ROBO1: variants seen among roughly 807,000 people sequenced by gnomAD.
ROBO1 encodes the protein roundabout guidance receptor 1.
ROBO1 carries 149 observed loss-of-function variants against 195.9 expected under a neutral mutation model. The observed-to-expected ratio is 0.76, with a 90% CI of 0.67 to 0.87. The LOEUF (loss-of-function observed/expected upper bound fraction) is 0.87. ROBO1 is among the 40% of genes least tolerant of loss of function. The pLI is 0.00. For synonymous variants in ROBO1, 816 were observed against 733.2 expected, an observed-to-expected ratio of 1.11 and a Z score of -1.82; for missense variants, 1,933 against 2,068.3, an observed-to-expected ratio of 0.93 and a Z score of 1.27.
At chr3:79,650,276 T>C (rs1335620322) in intron 1 of ROBO1, among the ~76,000 whole-genome samples, 1 of 151,702 alleles carries the variant, frequency 6.6e-6, no homozygotes. Flanking sequence ...TATAATCATA[T>C]AGAATATAAT....
intron 2 of ROBO1, among the ~76,000 whole-genome samples, chr3:79,575,168 T>C (rs1943417138): frequency 1.7e-5 from 2 of 120,782 alleles, no homozygotes; most frequent in African/African-American, 6.0e-5. Flanking sequence ...ATAACAAATA[T>C]ATATAAATAT....
chr3:79,575,390 CAAAT>C (rs1478927785), intron 2 of ROBO1, among the ~76,000 whole-genome samples: 1 of 108,226 alleles, frequency 9.2e-6, no homozygotes, highest in Non-Finnish European at 1.8e-5. Context: ...ATATAGATAA[CAAAT>C]ATATATAAAT....
chr3:79,244,308 A>C (rs1380776783), intron 2 of ROBO1, among the ~76,000 whole-genome samples: 2 of 152,146 alleles, frequency 1.3e-5, no homozygotes, highest in African/African-American at 4.8e-5. Flanking sequence ...TAGGCACTTA[A>C]TGAATATTAT....
Position 78,661,091 on chromosome 3 carries a change from A to G in ROBO1, c.2259T>C (p.Pro753=), listed in dbSNP as rs777544402. The change falls in exon 16 of 31, where the codon CCT becomes CCC. Residue 753 remains proline, a synonymous_variant. Transcript: ENST00000464233. ...CTGCTCCTTGAAATTCATTAAAAAA[A>G]GGGCGAGCCTTAATTTCATAGTTGA... ...KGVNYEIKAR[P]FFNEFQGADS... is the part of the protein sequence containing the mutation. The G allele has an allele frequency of 3.7e-6, 6 of 1,613,542 alleles. No individual in the cohort carries two copies. The South Asian group carries it at 6.6e-5, about 18-fold the overall frequency.
chr3:78,707,570 A>G (rs2081583024), intron 8 of ROBO1, among the ~76,000 whole-genome samples: 1 of 152,234 alleles, frequency 6.6e-6, no homozygotes, highest in Non-Finnish European at 1.5e-5. Context: ...AAGAAAGCTG[A>G]TAAAGTTGAG....
chr3:78,743,998 C>T (rs542253961), intron 5 of ROBO1, among the ~76,000 whole-genome samples: 1 of 152,102 alleles, frequency 6.6e-6, no homozygotes, highest in Non-Finnish European at 1.5e-5. Context: ...TTTCTCCAAC[C>T]TTAACCTCAA....
At chr3:79,282,372 C>T (rs560874479) in intron 2 of ROBO1, among the ~76,000 whole-genome samples, 1 of 152,276 alleles carries the variant, frequency 6.6e-6, no homozygotes, top group African/African-American at 2.4e-5. Context: ...TAATGCATAC[C>T]AGTGACTGAT....
Position 78,670,285 on chromosome 3 carries a change from A to G in ROBO1, c.1359T>C (p.Pro453=). The stretch of plus-strand genomic sequence containing the variant: ...CAGGACCTTGTCGAATAACTGGGGG[A>G]GGCCGATCTGCAATCACTGCCAGAA... ...LEVTDVIADR[P]PPVIRQGPVN... is the part of the protein sequence containing the mutation. The change falls in exon 11 of 31, where the codon CCT becomes CCC. Residue 453 remains proline, a synonymous_variant. Coordinates refer to ENST00000464233, the MANE Select transcript of ROBO1 (RefSeq NM_002941.4). 1 of 1,564,954 alleles carries G rather than the reference A, an allele frequency of 6.4e-7. No homozygotes were observed.
At chr3:78,640,161 A>C (rs1415335790) in intron 21 of ROBO1, among the ~76,000 whole-genome samples, 1 of 152,048 alleles carries the variant, frequency 6.6e-6, no homozygotes. Flanking sequence ...GCAATGTTCT[A>C]CTCTGCCTTT....
At chr3:79,287,058 G>A (rs368133574) in intron 2 of ROBO1, among the ~76,000 whole-genome samples, 185 of 152,120 alleles carry the variant, frequency 1.2e-3, no homozygotes, top group East Asian at 2.1e-3. Context: ...GTTTTCCAGC[G>A]CACAATGAGT....
chr3:79,052,839 C>G lies in ROBO1; in HGVS notation c.172+72617G>C, dbSNP rs547343689. Among the ~76,000 whole-genome samples, 4 of 152,220 alleles carry G rather than the reference C, an allele frequency of 2.6e-5. No individual in the cohort carries two copies. In the South Asian group the frequency reaches 8.3e-4, roughly 32 times the overall value. On this transcript the variant is annotated intron_variant, in intron 3 of 30. Coordinates refer to ENST00000464233, the MANE Select transcript of ROBO1 (RefSeq NM_002941.4). ...GGAGAAACATCATTGGTTCGGTCCA[C>G]AGAAACTTGTTCAACTCCCTGACAA...
intron 4 of ROBO1, among the ~76,000 whole-genome samples, chr3:78,883,244 T>TAA (rs34278886): frequency 1.8e-3 from 266 of 147,658 alleles, no homozygotes; most frequent in African/African-American, 2.5e-3. Context: ...TTTCTGTTGG[T>TAA]AAAAAAAAAA....
chr3:78,871,045 T>C (rs1406198323), intron 4 of ROBO1, among the ~76,000 whole-genome samples: 1 of 152,194 alleles, frequency 6.6e-6, no homozygotes, highest in Non-Finnish European at 1.5e-5. Flanking sequence ...CATTTCTCGT[T>C]AGCTGTTAGG....
At chr3:79,057,475 T>C (rs188022896) in intron 3 of ROBO1, among the ~76,000 whole-genome samples, 1 of 152,114 alleles carries the variant, frequency 6.6e-6, no homozygotes, top group East Asian at 2.0e-4. Flanking sequence ...CTGTGCCAAC[T>C]CCTCAGAAGC....
In ROBO1 at chr3:79,045,817, G is replaced by T. The variant is rs949848581; in HGVS notation, c.172+79639C>A. ...CTCCAAATAATTCTTAGTCAATATG[G>T]CAGGAACAAAAGCTTTCTCTAGTCT... On this transcript the variant is annotated intron_variant, in intron 3 of 30. Transcript: ENST00000464233. Among the ~76,000 whole-genome samples the T allele has an allele frequency of 3.2e-4, 48 of 152,034 alleles. 1 individual carries two copies. Among genetic ancestry groups the T allele is most frequent in the African/African-American group, 1.1e-3 (46 of 41,400 alleles).
At chr3:78,732,366 A>T (rs917213060) in intron 5 of ROBO1, among the ~76,000 whole-genome samples, 1 of 152,120 alleles carries the variant, frequency 6.6e-6, no homozygotes, top group African/African-American at 2.4e-5. Flanking sequence ...ACCAATCTGG[A>T]CATCCAACCT....
intron 1 of ROBO1, among the ~76,000 whole-genome samples, chr3:79,698,720 G>A (rs1947520490): frequency 6.6e-6 from 1 of 151,502 alleles, no homozygotes; most frequent in South Asian, 2.1e-4. Context: ...CATTAATAGA[G>A]AGAAAGTATT....
chr3:79,709,891 T>C (rs1702206781), intron 1 of ROBO1, among the ~76,000 whole-genome samples: 1 of 152,178 alleles, frequency 6.6e-6, no homozygotes, highest in Admixed American at 6.5e-5. Context: ...AGAATGCATT[T>C]TTATACCAAA....
chr3:79,359,285 CTT>C (rs966322361), intron 2 of ROBO1, among the ~76,000 whole-genome samples: 1 of 151,802 alleles, frequency 6.6e-6, no homozygotes, highest in Non-Finnish European at 1.5e-5. Context: ...ATACCTCACT[CTT>C]ATAATTTATA....
Sources: allele counts gnomAD v4.1 joint callset (sites outside exome capture counted in the v4.1 genomes callset), GRCh38; gene constraint gnomAD v4.1.1; transcripts MANE v1.5; gene names NCBI Gene and HGNC (gene_info 2026-07-23, HGNC 2026-07-21).